Variants in TGFBRAP1 observed in about 807,000 individuals in gnomAD.
TGFBRAP1 encodes the protein transforming growth factor-beta receptor-associated protein 1.
In TGFBRAP1, 20 loss-of-function variants were observed where a neutral mutation model predicts 83.2. The observed-to-expected ratio is 0.24, with a 90% CI of 0.17 to 0.35. TGFBRAP1 has a LOEUF of 0.35. Ranked by LOEUF, TGFBRAP1 falls within the 10% of genes least tolerant of loss-of-function variation. The pLI is 1.00. For missense variants in TGFBRAP1, 950 were observed against 1,099.4 expected (o/e 0.86, Z 1.92); for synonymous variants, 415 against 459.8 (o/e 0.90, Z 1.25).
chr2:105,296,756 C>CTTTTTTTTTTTT (rs60031957), intron 3 of TGFBRAP1, among the ~76,000 whole-genome samples: 6 of 73,226 alleles, frequency 8.2e-5, no homozygotes, highest in East Asian at 9.5e-4. Flanking sequence ...CTTTTTTTGC[C>CTTTTTTTTTTTT]TTTTTTTTTT....
intron 1 of TGFBRAP1, among the ~76,000 whole-genome samples, chr2:105,314,999 A>G (rs1355442766): frequency 6.6e-6 from 1 of 151,508 alleles, no homozygotes; most frequent in African/African-American, 2.4e-5. Context: ...TAAAATTATA[A>G]TTATTCACAG....
intron 1 of TGFBRAP1, among the ~76,000 whole-genome samples, chr2:105,312,199 T>C (rs1475435742): frequency 6.6e-6 from 1 of 152,052 alleles, no homozygotes; most frequent in Admixed American, 6.6e-5. Flanking sequence ...CTTTAAGGCT[T>C]ACCTATAATC....
intron 1 of TGFBRAP1, among the ~76,000 whole-genome samples, chr2:105,325,315 T>C (rs1312924458): frequency 6.6e-6 from 1 of 152,194 alleles, no homozygotes; most frequent in Non-Finnish European, 1.5e-5. Flanking sequence ...GGTGGGATAC[T>C]GCACACTCGA....
intron 4 of TGFBRAP1, among the ~76,000 whole-genome samples, chr2:105,288,292 A>G (rs1460628610): frequency 6.6e-6 from 1 of 152,114 alleles, no homozygotes; most frequent in East Asian, 1.9e-4. Flanking sequence ...GAGCCAGTGC[A>G]CCCCTGAGCC....
chr2:105,249,815 A>C, the TGFBRAP1 span: 1 of 152,250 alleles, frequency 6.6e-6, no homozygotes, highest in African/African-American at 2.4e-5. Flanking sequence ...ACCACAGAGT[A>C]TGCGCGGGGT....
intron 2 of TGFBRAP1, 120 bp from the exon 3 acceptor site, chr2:105,298,825 ATT>A: frequency 6.7e-6 from 6 of 895,292 alleles, no homozygotes; most frequent in Non-Finnish European, 9.6e-6. Flanking sequence ...ACAGTCTTAT[ATT>A]TCAAGGAAGG....
intron 1 of TGFBRAP1, among the ~76,000 whole-genome samples, chr2:105,326,246 G>A (rs982100565): frequency 6.6e-6 from 1 of 152,044 alleles, no homozygotes; most frequent in Non-Finnish European, 1.5e-5. Flanking sequence ...ATGCATAAGG[G>A]TGTATGTGTG....
chr2:105,310,329 T>C (rs530719939), intron 1 of TGFBRAP1, among the ~76,000 whole-genome samples: 1 of 152,278 alleles, frequency 6.6e-6, no homozygotes, highest in African/African-American at 2.4e-5. Context: ...CAGGTGTTTA[T>C]TTCCCAAGCT....
chr2:105,317,634 T>G (rs1046627236), intron 1 of TGFBRAP1, among the ~76,000 whole-genome samples: 1 of 151,952 alleles, frequency 6.6e-6, no homozygotes, highest in African/African-American at 2.4e-5. Flanking sequence ...TAAGGAAAAA[T>G]GATAAATTCT....
intron 1 of TGFBRAP1, among the ~76,000 whole-genome samples, chr2:105,327,744 G>T (rs1477355264): frequency 6.6e-6 from 1 of 152,214 alleles, no homozygotes; most frequent in Non-Finnish European, 1.5e-5. Flanking sequence ...TTGGTCCTGG[G>T]ATTCCTGCAG....
intron 2 of TGFBRAP1, among the ~76,000 whole-genome samples, chr2:105,301,609 G>A (rs2679892): frequency 0.55 from 83,515 of 152,016 alleles, 23,682 homozygotes; most frequent in East Asian, 0.73. Context: ...AAACCACACA[G>A]GTACTAGAAG....
rs746804578 is a variant in TGFBRAP1, at chr2:105,308,237, T to C, written c.65A>G (p.Lys22Arg). The change falls in exon 2 of 12, where the codon AAG (lysine) becomes AGG (arginine). Residue 22 changes from lysine to arginine, a missense_variant. Lys to Arg is a conservative substitution (Grantham distance 26, BLOSUM62 2). Transcript: ENST00000393359. The stretch of plus-strand genomic sequence containing the variant: ...CACGCACTCTATGTTGACGCGCTCC[T>C]TGTCGCCCATCAGCAGCTCCCGCTC... ...AVERELLMGD[K>R]ERVNIECVEC... 7 of 1,614,176 alleles carry C rather than the reference T, an allele frequency of 4.3e-6. No homozygotes were observed. The highest frequency in any genetic ancestry group is 5.9e-6 in the Non-Finnish European group (7 of 1,180,026).
intron 7 of TGFBRAP1, among the ~76,000 whole-genome samples, chr2:105,275,966 C>A (rs1335691485): frequency 6.6e-6 from 1 of 151,702 alleles, no homozygotes; most frequent in African/African-American, 2.4e-5. Flanking sequence ...AACAATAACA[C>A]AGTAAACAGA....
chr2:105,273,000 G>A lies in TGFBRAP1; in HGVS notation c.1827C>T (p.His609=). Residue 609 remains histidine, a synonymous_variant, in exon 10 of 12, where the codon CAC becomes CAT. Transcript: ENST00000393359. ...CCAGGTACAGCACAGCTAAGTGGGT[G>A]TGATACTCTTCTTTCTGCAGGAAAC... The part of the protein sequence containing the change: ...IDKRLQKEEY[H]THLAVLYLEE... The A allele has an allele frequency of 1.2e-6, 2 of 1,611,346 alleles. No individual in the cohort carries two copies. Among genetic ancestry groups the A allele is most frequent in the Admixed American group, 1.7e-5 (1 of 59,112 alleles).
intron 1 of TGFBRAP1, among the ~76,000 whole-genome samples, chr2:105,322,430 A>G (rs1325766510): frequency 1.3e-5 from 2 of 152,146 alleles, no homozygotes; most frequent in African/African-American, 4.8e-5. Context: ...TTAGGCCTTC[A>G]CTTTCACTTG....
rs1226242207 is a variant in TGFBRAP1, at chr2:105,265,019, C to T, written c.*2364G>A. ...GTGAGAGAAAGGTTAGAGAAAAGTACAGTTTTAACATATGAGACAATTCTT... is the reference window on the plus strand; with the variant it reads ...GTGAGAGAAAGGTTAGAGAAAAGTATAGTTTTAACATATGAGACAATTCTT... On this transcript the variant is annotated 3_prime_UTR_variant, in exon 12 of 12. Coordinates refer to ENST00000393359, the MANE Select transcript of TGFBRAP1 (RefSeq NM_004257.6). 3 of 152,204 alleles carry T rather than the reference C, an allele frequency of 2.0e-5. No homozygotes were observed. Among genetic ancestry groups the T allele is most frequent in the African/African-American group, 7.2e-5 (3 of 41,442 alleles). The allele number at this position is 152,204 out of a possible 1,614,324, so 9.4% of individuals were successfully genotyped here.
chr2:105,279,000 T>TG (rs2104331896), intron 6 of TGFBRAP1, among the ~76,000 whole-genome samples: 1 of 152,170 alleles, frequency 6.6e-6, no homozygotes, highest in Admixed American at 6.5e-5. Flanking sequence ...AGGGTCTCTG[T>TG]GGGAGTTCAT....
At position 105,284,401 on chromosome 2, in the gene TGFBRAP1, G is replaced by A; in HGVS notation, c.1039-3C>T. On this transcript the variant is annotated splice_region_variant and splice_polypyrimidine_tract_variant and intron_variant, in intron 4 of 11. Coordinates refer to ENST00000393359, the MANE Select transcript of TGFBRAP1 (RefSeq NM_004257.6). ...TGCAGAATCCTTCTGTACATTACCT[G>A]CAAGGAAAGACGGGTGTAATCTCTT... 1 of 1,613,722 alleles carries A rather than the reference G, an allele frequency of 6.2e-7. No individual in the cohort carries two copies. Among genetic ancestry groups the A allele is most frequent in the Non-Finnish European group, 8.5e-7 (1 of 1,179,686 alleles).
intron 4 of TGFBRAP1, among the ~76,000 whole-genome samples, chr2:105,295,587 T>C (rs1573191171): frequency 1.3e-5 from 2 of 151,780 alleles, no homozygotes; most frequent in South Asian, 4.2e-4. Flanking sequence ...CGGAGGCGGG[T>C]GGATCACGAG....
Sources: gnomAD v4.1 joint callset for allele counts (sites outside exome capture counted in the v4.1 genomes callset) on GRCh38, gnomAD v4.1.1 for gene constraint, MANE v1.5 for transcripts, NCBI Gene and HGNC (gene_info 2026-07-23, HGNC 2026-07-21) for gene names.